CCDC178: variants seen among roughly 807,000 people sequenced by gnomAD.
CCDC178 encodes the protein coiled-coil domain-containing protein 178.
In CCDC178, 126 loss-of-function variants were observed where a neutral mutation model predicts 117.4. The observed-to-expected ratio is 1.07, with a 90% CI of 0.93 to 1.24. CCDC178 has a LOEUF of 1.24. Ranked by LOEUF, CCDC178 falls within the 50% of genes most tolerant of loss-of-function variation. The pLI is 0.00. For missense variants in CCDC178, 1,030 were observed against 986.9 expected (o/e 1.04, Z -0.59); for synonymous variants, 283 against 313.4 (o/e 0.90, Z 1.02).
intron 4 of CCDC178, 37 bp from the exon 5 acceptor site, chr18:33,389,666 T>C (rs375624814): frequency 5.5e-6 from 6 of 1,096,108 alleles, no homozygotes; most frequent in Admixed American, 2.8e-5. Flanking sequence ...TAGTGAGTAG[T>C]TAATATTATA....
At chr18:33,173,353 T>A (rs2058626569) in intron 20 of CCDC178, among the ~76,000 whole-genome samples, 1 of 152,138 alleles carries the variant, frequency 6.6e-6, no homozygotes, top group African/African-American at 2.4e-5. Context: ...TGGCTTGCAT[T>A]CAGTTTTATA....
rs938358973 is a variant in CCDC178 at position 32,983,305 on chromosome 18, T to C, written c.2389-8624A>G. 73 of 1,530,420 alleles carry C rather than the reference T, an allele frequency of 4.8e-5. 1 individual carries two copies. Among genetic ancestry groups the C allele is most frequent in the Admixed American group, 1.4e-4 (7 of 50,964 alleles). The allele number at this position is 1,530,420 out of a possible 1,614,324, so 94.8% of individuals were successfully genotyped here. A position where few individuals can be genotyped will look rare whatever the true frequency, so the allele number is the denominator to read the frequency against. ...CCTGAAAATTTGAGAGTTCATCTGATATAATTGGCAGAGAGTTTGGAAGTT... is the reference window on the plus strand; with the variant it reads ...CCTGAAAATTTGAGAGTTCATCTGACATAATTGGCAGAGAGTTTGGAAGTT... On this transcript the variant is annotated intron_variant, in intron 21 of 22. Transcript: ENST00000383096.
At chr18:33,279,816 G>A (rs2059998533) in intron 12 of CCDC178, among the ~76,000 whole-genome samples, 1 of 152,050 alleles carries the variant, frequency 6.6e-6, no homozygotes, top group South Asian at 2.1e-4. Context: ...CAACTATCTG[G>A]TCTTTGACAA....
chr18:33,085,371 G>A (rs1355211956), intron 21 of CCDC178, among the ~76,000 whole-genome samples: 2 of 152,148 alleles, frequency 1.3e-5, no homozygotes, highest in East Asian at 1.9e-4. Context: ...AGACCATCCT[G>A]GCTAACACGG....
At chr18:33,298,611 A>C (rs1440267709) in intron 11 of CCDC178, among the ~76,000 whole-genome samples, 2 of 152,168 alleles carry the variant, frequency 1.3e-5, no homozygotes, top group African/African-American at 4.8e-5. Context: ...ATTCAACCTA[A>C]TACTGGAAGT....
chr18:33,117,845 T>A (rs1421510510), intron 20 of CCDC178, among the ~76,000 whole-genome samples: 4 of 152,070 alleles, frequency 2.6e-5, no homozygotes, highest in African/African-American at 9.7e-5. Context: ...AAGAGTGATG[T>A]CTATTCAATC....
intron 2 of CCDC178, among the ~76,000 whole-genome samples, chr18:33,427,437 T>G (rs1054118604): frequency 6.6e-6 from 1 of 152,004 alleles, no homozygotes; most frequent in South Asian, 2.1e-4. Context: ...TAGTAAAAAA[T>G]CATGAAAATA....
chr18:33,242,358 C>A (rs1193893662), intron 15 of CCDC178, among the ~76,000 whole-genome samples: 1 of 151,516 alleles, frequency 6.6e-6, no homozygotes, highest in Non-Finnish European at 1.5e-5. Flanking sequence ...AGATATTATT[C>A]CAAAGACCTC....
At chr18:33,373,298 A>G (rs369914295) in intron 5 of CCDC178, among the ~76,000 whole-genome samples, 1 of 152,148 alleles carries the variant, frequency 6.6e-6, no homozygotes, top group Admixed American at 6.6e-5. Context: ...ACTTTAGTCA[A>G]TGTGCAATGC....
In CCDC178 at chr18:33,316,762, A is replaced by G. The variant is rs201138770; in HGVS notation, c.1022+6729T>C. Among the ~76,000 whole-genome samples, 5 of 152,262 alleles carry G rather than the reference A, an allele frequency of 3.3e-5. No individual in the cohort carries two copies. The East Asian group carries it at 9.7e-4, about 30-fold the overall frequency. ...TAGCTCAGGGTTTGTGGATGCACCA[A>G]TCGGCACTCTGTATCTAGCTAATCC... is the stretch of plus-strand genomic sequence containing the variant. On this transcript the variant is annotated intron_variant, in intron 11 of 22. Coordinates refer to ENST00000383096, the MANE Select transcript of CCDC178 (RefSeq NM_001105528.4).
chr18:33,276,265 G>T lies in CCDC178; in HGVS notation c.1177-8968C>A, dbSNP rs1351694958. ...TTCAGTGCATATTTCAAATGTTGTG[G>T]CCTGAAAAGCTGGAAGGTTTGAATT... On this transcript the variant is annotated intron_variant, in intron 12 of 22. Transcript: ENST00000383096. 2.0e-5 allele frequency among the ~76,000 whole-genome samples: 3 copies of T among 151,974 alleles called. No homozygotes were observed. The East Asian group carries it at 5.8e-4, about 29-fold the overall frequency.
intron 20 of CCDC178, among the ~76,000 whole-genome samples, chr18:33,100,196 G>T (rs1567988175): frequency 1.3e-5 from 2 of 151,758 alleles, no homozygotes; most frequent in Non-Finnish European, 2.9e-5. Context: ...GGACACAAAG[G>T]ACTCCTCAGC....
At chr18:33,395,526 G>C (rs1227036049) in intron 4 of CCDC178, among the ~76,000 whole-genome samples, 1 of 151,978 alleles carries the variant, frequency 6.6e-6, no homozygotes, top group Non-Finnish European at 1.5e-5. Flanking sequence ...AACAAAAGCA[G>C]AAAACCTCAC....
intron 18 of CCDC178, among the ~76,000 whole-genome samples, chr18:33,222,553 G>A (rs1265827957): frequency 4.6e-5 from 7 of 152,022 alleles, no homozygotes; most frequent in African/African-American, 1.7e-4. Context: ...GGGCCAGCAA[G>A]ATTCTTGGGG....
intron 2 of CCDC178, among the ~76,000 whole-genome samples, chr18:33,432,161 T>G (rs980314908): frequency 1.3e-5 from 2 of 152,142 alleles, no homozygotes; most frequent in African/African-American, 4.8e-5. Flanking sequence ...AGATGACACA[T>G]GGCAGGAGGG....
chr18:33,316,136 GAGCCCTTCAGCCCGCCGCTGC>G (rs910954472), intron 11 of CCDC178, among the ~76,000 whole-genome samples: 2 of 152,206 alleles, frequency 1.3e-5, no homozygotes, highest in African/African-American at 4.8e-5. Flanking sequence ...GGAGCTTGAG[GAGCCCTTCAGCCCGCCGCTGC>G]ACTGTGGGAG....
intron 20 of CCDC178, among the ~76,000 whole-genome samples, chr18:33,195,129 G>C (rs79919149): frequency 1.9e-5 from 2 of 104,600 alleles, no homozygotes; most frequent in Non-Finnish European, 3.7e-5. Context: ...AAAAAAAAAA[G>C]AGAGAGAGAG....
chr18:33,405,215 C>G (rs2063764262), intron 3 of CCDC178, among the ~76,000 whole-genome samples: 2 of 151,358 alleles, frequency 1.3e-5, no homozygotes, highest in African/African-American at 4.8e-5. Context: ...AACTATTATT[C>G]AATAAAAACG....
intron 21 of CCDC178, among the ~76,000 whole-genome samples, chr18:33,091,715 T>C (rs376628902): frequency 6.6e-4 from 100 of 152,272 alleles, no homozygotes; most frequent in African/African-American, 2.1e-3. Flanking sequence ...AGTAGACGGA[T>C]GGCAAATAGG....
Sources: gnomAD v4.1 joint callset for allele counts (sites outside exome capture counted in the v4.1 genomes callset) on GRCh38, gnomAD v4.1.1 for gene constraint, MANE v1.5 for transcripts, NCBI Gene and HGNC (gene_info 2026-07-23, HGNC 2026-07-21) for gene names.